The following PEAR1 variants were observed in gnomAD, a reference collection of about 807,000 sequenced individuals.
PEAR1 encodes the protein multiple EGF-like domains protein 12.
In PEAR1, 113 loss-of-function variants were observed where a neutral mutation model predicts 131.2. The ratio of observed to expected loss-of-function variants is 0.86; its 90% CI spans 0.74 to 1.01. The LOEUF (loss-of-function observed/expected upper bound fraction) is 1.01, where lower values mean the gene tolerates loss of function less well. Ranked by LOEUF, PEAR1 falls within the 50% of genes least tolerant of loss-of-function variation. PEAR1 has a pLI of 0.00. For missense variants in PEAR1, 1,408 were observed against 1,391.1 expected, an observed-to-expected ratio of 1.01 and a Z score of -0.19; for synonymous variants, 565 against 523.3, an observed-to-expected ratio of 1.08 and a Z score of -1.09.
At position 156,913,408 on chromosome 1, in the gene PEAR1, T is replaced by C; in HGVS notation, c.2529T>C (p.Phe843=). Residue 843 remains phenylalanine, a synonymous_variant, in exon 20 of 23, where the codon TTT becomes TTC. Coordinates refer to ENST00000292357, the MANE Select transcript of PEAR1 (RefSeq NM_001080471.3). ...PPPNKVPGPL[F]ASLQNPERPG... ...CCTCTTAGGTTCCAGGCCCGCTCTT[T>C]GCCAGCCTGCAGAACCCTGAGCGGC... The C allele has an allele frequency of 6.2e-7, 1 of 1,613,678 alleles. No homozygotes were observed. The highest frequency in any genetic ancestry group is 1.1e-5 in the South Asian group (1 of 91,082).
intron 1 of PEAR1, among the ~76,000 whole-genome samples, chr1:156,896,360 GC>G (rs1649161897): frequency 6.6e-6 from 1 of 152,168 alleles, no homozygotes. Flanking sequence ...ACTGCTTTGT[GC>G]TTTGAAGCAG....
intron 1 of PEAR1, among the ~76,000 whole-genome samples, chr1:156,901,286 G>A (rs1003370792): frequency 2.6e-5 from 4 of 152,190 alleles, no homozygotes; most frequent in Admixed American, 6.5e-5. Flanking sequence ...GTGGGGATGA[G>A]AGTCAGCTCC....
rs548829266 is a variant in PEAR1 at position 156,910,037 on chromosome 1, G to A, written c.1607G>A (p.Arg536His). The A allele has an allele frequency of 1.3e-5, 21 of 1,613,922 alleles. No individual in the cohort carries two copies. Among genetic ancestry groups the A allele is most frequent in the East Asian group, 2.2e-5 (1 of 44,886 alleles). The change falls in exon 13 of 23, where the codon CGC becomes CAC. Residue 536 changes from arginine (R) to histidine (H), a missense_variant. By Grantham distance (29) the Arg-to-His change is conservative (BLOSUM62 0). Coordinates refer to ENST00000292357, the MANE Select transcript of PEAR1 (RefSeq NM_001080471.3). Reference sequence around the variant, plus strand: ...CAGTTTGGAGAAGGTTGTGCCAGTCGCTGTGACTGTGACCACTCTGATGGC... The same window carrying A: ...CAGTTTGGAGAAGGTTGTGCCAGTCACTGTGACTGTGACCACTCTGATGGC... Reference protein sequence around the residue: ...KGQFGEGCASRCDCDHSDGCD... With the variant: ...KGQFGEGCASHCDCDHSDGCD...
intron 11 of PEAR1, 122 bp downstream of exon 11, chr1:156,909,158 G>C (rs531181608): frequency 1.5e-6 from 2 of 1,301,200 alleles, no homozygotes; most frequent in East Asian, 4.7e-5. Context: ...TGGAGGGGCA[G>C]CAGCTGGACA....
rs1176457919 is a variant in PEAR1, at chr1:156,906,359, T to C, written c.391T>C (p.Cys131Arg). Residue 131 changes from cysteine to arginine, a missense_variant, in exon 5 of 23, where the codon TGT (cysteine) becomes CGT (arginine). Physicochemically the swap from Cys to Arg is radical, Grantham distance 180. Transcript: ENST00000292357. ...TGTGCCAGGCTGGCGGGGCGACGAC[T>C]GTTCCAGTGGTGAGTGGCTACTGAC... ...QCVPGWRGDDCSSECAPGMWG... is the reference protein window; with the variant it reads ...QCVPGWRGDDRSSECAPGMWG... 2.5e-6 allele frequency: 4 copies of C among 1,614,094 alleles called. No homozygotes were observed. In the East Asian group the frequency reaches 8.9e-5, roughly 36 times the overall value.
rs1277376152 is a variant in PEAR1 at position 156,905,393 on chromosome 1, T to C, written c.276T>C (p.His92=). ...ACCGCCAGCGCCTGCAGTGCTGCCA[T>C]GGCTTCTATGAGAGCAGGGGGTTCT... ...TDHRQRLQCC[H]GFYESRGFCV... Residue 92 remains histidine (H), a synonymous_variant, in exon 4 of 23, where the codon CAT becomes CAC. Coordinates refer to ENST00000292357, the MANE Select transcript of PEAR1 (RefSeq NM_001080471.3). 3 of 1,608,678 alleles carry C rather than the reference T, an allele frequency of 1.9e-6. No homozygotes were observed. Among genetic ancestry groups the C allele is most frequent in the South Asian group, 1.1e-5 (1 of 90,516 alleles).
rs1570954197 is a variant in PEAR1 at position 156,905,079 on chromosome 1, G to C, written c.206+227G>C. The C allele has an allele frequency of 1.6e-5, 22 of 1,373,662 alleles. No homozygotes were observed. In the East Asian group the frequency reaches 5.6e-4, roughly 35 times the overall value. The allele number at this position is 1,373,662 out of a possible 1,614,324, so 85.1% of individuals were successfully genotyped here. ...TGCATGTTACAGTATATGCCTGTGGGGTTGGGGGGGGGGCAAGAAGGGAAT... is the reference window on the plus strand; with the variant it reads ...TGCATGTTACAGTATATGCCTGTGGCGTTGGGGGGGGGGCAAGAAGGGAAT... On this transcript the variant is annotated intron_variant, in intron 3 of 22. Coordinates refer to ENST00000292357, the MANE Select transcript of PEAR1 (RefSeq NM_001080471.3).
Position 156,912,711 on chromosome 1 carries a change from A to G in PEAR1, c.2210-59A>G, listed in dbSNP as rs1651366246. 19 of 1,611,276 alleles carry G rather than the reference A, an allele frequency of 1.2e-5. No homozygotes were observed. The Middle Eastern group carries it at 6.6e-4, about 56-fold the overall frequency. ...TACAGTCCCTACTTCCCTCCTGAGCACCTCTCCCATGCAGCAGAGCCAAGA... is the reference window on the plus strand; with the variant it reads ...TACAGTCCCTACTTCCCTCCTGAGCGCCTCTCCCATGCAGCAGAGCCAAGA... On this transcript the variant is annotated intron_variant, in intron 17 of 22. Transcript: ENST00000292357.
chr1:156,906,352 C>T lies in PEAR1; in HGVS notation c.384C>T (p.Gly128=), dbSNP rs765391111. The change falls in exon 5 of 23, where the codon GGC becomes GGT. Residue 128 remains glycine, a synonymous_variant. Transcript: ENST00000292357. ...GCCAATGTGTGCCAGGCTGGCGGGG[C>T]GACGACTGTTCCAGTGGTGAGTGGC... ...NQCQCVPGWR[G]DDCSSECAPG... The T allele has an allele frequency of 1.6e-5, 26 of 1,614,026 alleles. No homozygotes were observed. Among genetic ancestry groups the T allele is most frequent in the African/African-American group, 4.0e-5 (3 of 74,920 alleles).
intron 6 of PEAR1, 136 bp from the exon 7 acceptor site, chr1:156,907,469 TGACTC>T (rs1283594701): frequency 7.8e-6 from 11 of 1,416,640 alleles, no homozygotes; most frequent in Non-Finnish European, 1.0e-5. Context: ...CTTTGCTTTC[TGACTC>T]GACAGTCCCC....
At chr1:156,905,691 G>A (rs1305917816) in intron 4 of PEAR1, among the ~76,000 whole-genome samples, 2 of 152,130 alleles carry the variant, frequency 1.3e-5, no homozygotes, top group East Asian at 1.9e-4. Context: ...TCTCTGCATC[G>A]CTGTCTGCCC....
intron 6 of PEAR1, 23 bp from the exon 7 acceptor site, chr1:156,907,587 A>G: frequency 6.3e-7 from 1 of 1,591,756 alleles, no homozygotes; most frequent in Non-Finnish European, 8.6e-7. Context: ...TTGCACATTG[A>G]CTCCACCCAC....
Position 156,904,776 on chromosome 1 carries a change from T to G in PEAR1, c.130T>G (p.Ser44Ala). The stretch of plus-strand genomic sequence containing the variant: ...CACTACCACCACCAAGGAGTCCCAC[T>G]CCCGCCCCTTCAGCCTGCTCCCCTC... ...SFTTTTKESH[S>A]RPFSLLPSEP... The change falls in exon 3 of 23, where the codon TCC becomes GCC. Residue 44 changes from serine (S) to alanine (A), a missense_variant. By Grantham distance (99) the Ser-to-Ala change is moderately conservative. Transcript: ENST00000292357. 1 of 1,613,028 alleles carries G rather than the reference T, an allele frequency of 6.2e-7. No individual in the cohort carries two copies. The highest frequency in any genetic ancestry group is 8.5e-7 in the Non-Finnish European group (1 of 1,179,624).
At chr1:156,905,499 C>G (rs1449252469) in intron 4 of PEAR1, 75 bp downstream of exon 4, 35 of 1,316,650 alleles carry the variant, frequency 2.7e-5, no homozygotes, top group Non-Finnish European at 3.5e-5. Context: ...TTCTGAGTCC[C>G]TCCCGGCCCC....
chr1:156,911,160 TTC>T lies in PEAR1; in HGVS notation c.1951+419_1951+420del, dbSNP rs1491302314. Among the ~76,000 whole-genome samples the T allele has an allele frequency of 3.5e-5, 5 of 144,296 alleles. No individual in the cohort carries two copies. The East Asian group carries it at 9.0e-4, about 26-fold the overall frequency. The allele number at this position is 144,296 out of a possible 152,430, so 94.7% of individuals were successfully genotyped here. ...CTTTCTTTTCTTTCTTTCTTTTTCT[TTC>T]TTTCTTTCCTTTCTTTTCTTTCTTC... On this transcript the variant is annotated intron_variant, in intron 15 of 22. Transcript: ENST00000292357.
In PEAR1 at chr1:156,893,806, C is replaced by G. The variant is rs1648881064; in HGVS notation, c.-41C>G. On this transcript the variant is annotated 5_prime_UTR_variant, in exon 1 of 23. Coordinates refer to ENST00000292357, the MANE Select transcript of PEAR1 (RefSeq NM_001080471.3). ...TCGCAGACCCCGGCGGTTCCTACCC[C>G]AGGCCGCAGGGGAGACGGGGCCCCA... 6.6e-6 allele frequency: 1 copy of G among 152,362 alleles called. No individual in the cohort carries two copies. The highest frequency in any genetic ancestry group is 2.4e-5 in the African/African-American group (1 of 41,462). 9.4% of individuals were successfully genotyped at this position (152,362 alleles called of 1,614,324 possible). A position where few individuals can be genotyped will look rare whatever the true frequency, so the allele number is the denominator to read the frequency against.
chr1:156,905,132 C>A (rs1323559633), intron 3 of PEAR1, 192 bp from the exon 4 acceptor site: 2 of 1,176,300 alleles, frequency 1.7e-6, no homozygotes, highest in African/African-American at 3.1e-5. Flanking sequence ...TAGACAAGGT[C>A]TCGCTCTGTC....
chr1:156,911,097 T>TCCTTTCTTTCTTTCTTTCCTTC lies in PEAR1; in HGVS notation c.1951+355_1951+356insCTTTCTTTCTTTCTTTCCTTCC, dbSNP rs1553269281. Among the ~76,000 whole-genome samples the TCCTTTCTTTCTTTCTTTCCTTC allele has an allele frequency of 3.0e-3, 303 of 101,724 alleles. 4 individuals are homozygous for TCCTTTCTTTCTTTCTTTCCTTC. Among genetic ancestry groups the TCCTTTCTTTCTTTCTTTCCTTC allele is most frequent in the East Asian group, 0.016 (42 of 2,586 alleles). 66.7% of individuals were successfully genotyped at this position (101,724 alleles called of 152,430 possible). A position where few individuals can be genotyped will look rare whatever the true frequency, so the allele number is the denominator to read the frequency against. ...TCTTTCTTTCTTTCTTTCTTTCCTT[T>TCCTTTCTTTCTTTCTTTCCTTC]CTTTCTTTCTTTTCTTTCTTCTTTC... On this transcript the variant is annotated intron_variant, in intron 15 of 22. Transcript: ENST00000292357.
chr1:156,896,942 C>T (rs555529023), intron 1 of PEAR1, among the ~76,000 whole-genome samples: 16 of 152,334 alleles, frequency 1.1e-4, no homozygotes, highest in African/African-American at 3.6e-4. Context: ...ATCATCTCAT[C>T]AAACACGCAC....
Sources: gnomAD v4.1 joint callset for allele counts (sites outside exome capture counted in the v4.1 genomes callset) on GRCh38, gnomAD v4.1.1 for gene constraint, MANE v1.5 for transcripts, NCBI Gene and HGNC (gene_info 2026-07-23, HGNC 2026-07-21) for gene names.